CDKL1: variants seen among roughly 807,000 people sequenced by gnomAD.
CDKL1 encodes cyclin dependent kinase like 1.
A neutral mutation model predicts 42.0 loss-of-function variants in CDKL1; 41 were observed. That is an observed-to-expected ratio of 0.98 (90% CI 0.76 to 1.27). CDKL1 has a LOEUF of 1.27. Among genes scored for constraint, CDKL1 ranks in the 50% most tolerant of loss-of-function variants. CDKL1 has a pLI of 0.00. For missense variants in CDKL1, 394 were observed against 428.4 expected, an observed-to-expected ratio of 0.92 and a Z score of 0.71; for synonymous variants, 153 against 158.6, an observed-to-expected ratio of 0.96 and a Z score of 0.26.
At chr14:50,350,332 T>G (rs1595297748) in intron 3 of CDKL1, among the ~76,000 whole-genome samples, 1 of 152,088 alleles carries the variant, frequency 6.6e-6, no homozygotes, top group African/African-American at 2.4e-5. Flanking sequence ...TAGGGCAGAG[T>G]GGGGAAGGGC....
chr14:50,387,038 A>AAG (rs1731149527), intron 2 of CDKL1, among the ~76,000 whole-genome samples: 2 of 136,372 alleles, frequency 1.5e-5, no homozygotes, highest in Non-Finnish European at 3.2e-5. Flanking sequence ...AAAAGAAAAA[A>AAG]AAAAAAAGAA....
At chr14:50,381,479 C>T (rs1313140787) in intron 2 of CDKL1, among the ~76,000 whole-genome samples, 2 of 152,200 alleles carry the variant, frequency 1.3e-5, no homozygotes, top group East Asian at 3.9e-4. Context: ...GTATGAGGAA[C>T]AAAGCCTCAC....
chr14:50,392,938 C>T (rs756569045), intron 2 of CDKL1, among the ~76,000 whole-genome samples: 4 of 152,252 alleles, frequency 2.6e-5, no homozygotes, highest in Middle Eastern at 3.4e-3. Context: ...CCTATGTGCT[C>T]TTCTTTCAGA....
intron 2 of CDKL1, among the ~76,000 whole-genome samples, chr14:50,386,149 A>C (rs1034092465): frequency 1.3e-5 from 2 of 152,144 alleles, no homozygotes; most frequent in African/African-American, 4.8e-5. Context: ...GGATAAAGGA[A>C]GTACAGGCAC....
Position 50,396,319 on chromosome 14 carries a change from T to C in CDKL1, c.-451A>G. ...TAGAGCCCCACCCAACGATGAGTGTTTGTCACGGTCCTAGAACAGAACAGC... is the reference window on the plus strand; with the variant it reads ...TAGAGCCCCACCCAACGATGAGTGTCTGTCACGGTCCTAGAACAGAACAGC... On this transcript the variant is annotated 5_prime_UTR_variant, in exon 2 of 10. Transcript: ENST00000395834. 2.0e-6 allele frequency: 2 copies of C among 1,009,056 alleles called. No individual in the cohort carries two copies. The highest frequency in any genetic ancestry group is 2.4e-6 in the Non-Finnish European group (2 of 845,512). 62.5% of individuals were successfully genotyped at this position (1,009,056 alleles called of 1,614,324 possible).
chr14:50,384,794 G>A (rs935707108), intron 2 of CDKL1, among the ~76,000 whole-genome samples: 1 of 151,634 alleles, frequency 6.6e-6, no homozygotes, highest in East Asian at 1.9e-4. Flanking sequence ...TGCCGGCTAT[G>A]GCGGCTCGGT....
intron 4 of CDKL1, chr14:50,343,155 CTTTT>C (rs3049935): frequency 1.1e-3 from 327 of 293,618 alleles, no homozygotes; most frequent in Middle Eastern, 4.8e-3. Flanking sequence ...TTAAGAGTTA[CTTTT>C]TTTTTTTTTT....
chr14:50,352,109 T>C (rs184239916), intron 3 of CDKL1, among the ~76,000 whole-genome samples: 130 of 152,336 alleles, frequency 8.5e-4, no homozygotes, highest in Non-Finnish European at 1.6e-3. Flanking sequence ...ATTTTTTACC[T>C]AAATTCTTGA....
upstream of CDKL1, chr14:50,397,007 GC>G (rs1298295024): frequency 3.0e-5 from 34 of 1,124,816 alleles, no homozygotes; most frequent in Non-Finnish European, 3.9e-5. Context: ...CCTCCCGGCT[GC>G]AGGGAAAGGC....
intron 2 of CDKL1, among the ~76,000 whole-genome samples, chr14:50,391,811 C>T (rs1264272136): frequency 6.6e-6 from 1 of 152,216 alleles, no homozygotes; most frequent in Non-Finnish European, 1.5e-5. Context: ...TTTATTTACA[C>T]CATTAGCATA....
rs11570795 is a variant in CDKL1 at position 50,379,877 on chromosome 14, T to G, written c.168+15824A>C. 5.3e-5 allele frequency among the ~76,000 whole-genome samples: 8 copies of G among 152,206 alleles called. No homozygotes were observed. In the South Asian group the frequency reaches 6.2e-4, roughly 12 times the overall value. On this transcript the variant is annotated intron_variant, in intron 2 of 9. Transcript: ENST00000395834. ...CACTTTTCAAAGGGATCTGTGGCTA[T>G]TTACCAGAGTAACTGGGAAAGGAAA...
At chr14:50,375,996 C>G (rs1234808999) in intron 2 of CDKL1, among the ~76,000 whole-genome samples, 1 of 152,088 alleles carries the variant, frequency 6.6e-6, no homozygotes, top group African/African-American at 2.4e-5. Flanking sequence ...GAGAAACTGT[C>G]ACAGCCAAGA....
At chr14:50,396,645 G>A (rs1009040762) in intron 1 of CDKL1, 179 bp downstream of exon 1, 5 of 197,470 alleles carry the variant, frequency 2.5e-5, no homozygotes, top group Non-Finnish European at 4.6e-5. Flanking sequence ...CCGGCTCCCC[G>A]CGGAGGCGGC....
intron 8 of CDKL1, chr14:50,332,981 GGA>G (rs2033049735): frequency 3.8e-6 from 1 of 264,560 alleles, no homozygotes; most frequent in African/African-American, 2.3e-5. Context: ...ATGTATATAA[GGA>G]GAGGCATAAC....
At position 50,329,509 on chromosome 14, in the gene CDKL1, A is replaced by G. The variant is rs1191310820; in HGVS notation, c.*565T>C. The G allele has an allele frequency of 6.6e-6, 1 of 152,446 alleles. No individual in the cohort carries two copies. Among genetic ancestry groups the G allele is most frequent in the African/African-American group, 2.4e-5 (1 of 41,460 alleles). 9.4% of individuals were successfully genotyped at this position (152,446 alleles called of 1,614,324 possible). On this transcript the variant is annotated 3_prime_UTR_variant, in exon 10 of 10. Coordinates refer to ENST00000395834, the MANE Select transcript of CDKL1 (RefSeq NM_004196.7). ...TTACCAAGCTTTTGTGATAATTCATATGCTTTTAAATATTTTGAACCTAAG... is the reference window on the plus strand; with the variant it reads ...TTACCAAGCTTTTGTGATAATTCATGTGCTTTTAAATATTTTGAACCTAAG...
chr14:50,342,814 G>A (rs1595280270), intron 4 of CDKL1: 5 of 1,135,166 alleles, frequency 4.4e-6, no homozygotes, highest in Non-Finnish European at 5.6e-6. Context: ...GCTGGGAAGA[G>A]AAGGGTGGCA....
intron 3 of CDKL1, among the ~76,000 whole-genome samples, chr14:50,348,251 T>C (rs2033791473): frequency 6.6e-6 from 1 of 152,184 alleles, no homozygotes; most frequent in South Asian, 2.1e-4. Flanking sequence ...AGCCAAAGTC[T>C]CTATGGAACT....
rs576487529 is a variant in CDKL1 at position 50,380,908 on chromosome 14, C to T, written c.168+14793G>A. On this transcript the variant is annotated intron_variant, in intron 2 of 9. Transcript: ENST00000395834. The stretch of plus-strand genomic sequence containing the variant: ...CCTTCAACTCCTGAGCTCAAGTGAT[C>T]CTCCCACCTCAGCCTCCCAAATAGC... Among the ~76,000 whole-genome samples, 10 of 151,810 alleles carry T rather than the reference C, an allele frequency of 6.6e-5. No individual in the cohort carries two copies. The South Asian group carries it at 2.1e-3, about 32-fold the overall frequency.
Position 50,396,346 on chromosome 14 carries a change from CAT to C in CDKL1, c.-461-19_-461-18del. ...GTCACGGTCCTAGAACAGAACAGCA[CAT>C]GTTAAGGAATGAAGAGTGTACCCGT... On this transcript the variant is annotated intron_variant, in intron 1 of 9. Transcript: ENST00000395834. 1.0e-6 allele frequency: 1 copy of C among 988,320 alleles called. No individual in the cohort carries two copies. Among genetic ancestry groups the C allele is most frequent in the Non-Finnish European group, 1.2e-6 (1 of 832,192 alleles). 61.2% of individuals were successfully genotyped at this position (988,320 alleles called of 1,614,324 possible).
Sources: allele counts gnomAD v4.1 joint callset (sites outside exome capture counted in the v4.1 genomes callset), GRCh38; gene constraint gnomAD v4.1.1; transcripts MANE v1.5; gene names NCBI Gene and HGNC (gene_info 2026-07-23, HGNC 2026-07-21).